PARP11: variants seen among roughly 807,000 people sequenced by gnomAD.
PARP11 encodes poly(ADP-ribose) polymerase family member 11, also known as protein mono-ADP-ribosyltransferase PARP11.
In PARP11, 31 loss-of-function variants were observed where a neutral mutation model predicts 42.9. The ratio of observed to expected loss-of-function variants is 0.72; its 90% CI spans 0.54 to 0.98. PARP11 has a LOEUF of 0.98. PARP11 is among the 50% of genes least tolerant of loss of function. PARP11 has a pLI of 0.00. For missense variants in PARP11, 365 were observed against 413.1 expected (o/e 0.88, Z 1.01); for synonymous variants, 137 against 127.3 (o/e 1.08, Z -0.51).
At chr12:3,832,209 C>T in intron 1 of PARP11, 1 of 481,058 alleles carries the variant, frequency 2.1e-6, no homozygotes, top group Non-Finnish European at 2.7e-6. Flanking sequence ...GGGACAGGTA[C>T]CATTGTATTG....
At chr12:3,868,720 T>G (rs1473819956) in intron 1 of PARP11, among the ~76,000 whole-genome samples, 1 of 152,188 alleles carries the variant, frequency 6.6e-6, no homozygotes, top group Non-Finnish European at 1.5e-5. Flanking sequence ...GTCACCTTCA[T>G]AGGTGACTTC....
At chr12:3,846,274 T>A (rs553836595) in intron 1 of PARP11, among the ~76,000 whole-genome samples, 171 of 144,620 alleles carry the variant, frequency 1.2e-3, no homozygotes, top group Non-Finnish European at 2.3e-3. Context: ...TGCATATATT[T>A]AAAAAAAAAA....
At chr12:3,851,573 G>A (rs1371086642) in intron 1 of PARP11, among the ~76,000 whole-genome samples, 2 of 152,226 alleles carry the variant, frequency 1.3e-5, no homozygotes, top group East Asian at 1.9e-4. Flanking sequence ...TTCCACCATT[G>A]CTGAGGCTTG....
chr12:3,831,581 GTTCA>G (rs1947639366), intron 1 of PARP11, among the ~76,000 whole-genome samples: 1 of 152,012 alleles, frequency 6.6e-6, no homozygotes, highest in African/African-American at 2.4e-5. Context: ...AACGAGACAA[GTTCA>G]TTTATAACAG....
chr12:3,825,302 G>C (rs1947495665), intron 4 of PARP11, among the ~76,000 whole-genome samples: 1 of 152,088 alleles, frequency 6.6e-6, no homozygotes, highest in African/African-American at 2.4e-5. Flanking sequence ...TATGGCCAGA[G>C]CAAGCAAAAA....
At chr12:3,812,784 G>C (rs1241640987) in intron 7 of PARP11, among the ~76,000 whole-genome samples, 1 of 152,052 alleles carries the variant, frequency 6.6e-6, no homozygotes, top group Non-Finnish European at 1.5e-5. Context: ...GATTAAAAGT[G>C]TGGTTGGACC....
At position 3,828,939 on chromosome 12, in the gene PARP11, G is replaced by C; in HGVS notation, c.239C>G (p.Ser80Cys). The C allele has an allele frequency of 6.2e-7, 1 of 1,613,988 alleles. No homozygotes were observed. Among genetic ancestry groups the C allele is most frequent in the Admixed American group, 1.7e-5 (1 of 60,010 alleles). Residue 80 changes from serine (S) to cysteine (C), a missense_variant, in exon 3 of 8, where the codon TCC becomes TGC. Ser to Cys is a moderately radical substitution (Grantham distance 112). Transcript: ENST00000228820. ...NPCGSISFTT[S>C]KFSYKIDFAE... ...AAAGTCTATCTTGTAGCTGAATTTG[G>C]AAGTAGTAAAAGAAATGGAGCCACA...
chr12:3,822,637 G>A (rs1052567557), intron 4 of PARP11, among the ~76,000 whole-genome samples: 3 of 151,414 alleles, frequency 2.0e-5, no homozygotes, highest in African/African-American at 7.3e-5. Flanking sequence ...GTCTATGTGT[G>A]CTACTTTTTA....
chr12:3,847,278 C>CA (rs1565545298), intron 1 of PARP11, among the ~76,000 whole-genome samples: 1 of 152,018 alleles, frequency 6.6e-6, no homozygotes, highest in Non-Finnish European at 1.5e-5. Context: ...TTAAACTCTT[C>CA]AAAAAAATTG....
chr12:3,863,363 CT>C (rs1445130579), intron 1 of PARP11, among the ~76,000 whole-genome samples: 3 of 152,010 alleles, frequency 2.0e-5, no homozygotes, highest in African/African-American at 7.3e-5. Context: ...CCTTTCTTGC[CT>C]TTTTCCTTAG....
chr12:3,834,382 C>T (rs572539004), intron 1 of PARP11, among the ~76,000 whole-genome samples: 4 of 152,216 alleles, frequency 2.6e-5, no homozygotes, highest in African/African-American at 9.6e-5. Flanking sequence ...CCTGTGATCC[C>T]AGCACTTTGG....
chr12:3,857,318 C>T (rs1948211895), intron 1 of PARP11, among the ~76,000 whole-genome samples: 1 of 151,950 alleles, frequency 6.6e-6, no homozygotes, highest in African/African-American at 2.4e-5. Context: ...TTTTTAAAGA[C>T]ATGTAGGGAT....
chr12:3,855,334 A>C (rs916059936), intron 1 of PARP11, among the ~76,000 whole-genome samples: 3 of 152,230 alleles, frequency 2.0e-5, no homozygotes, highest in African/African-American at 7.2e-5. Context: ...GAAAAGAGGA[A>C]GTCAAATTGT....
Position 3,862,469 on chromosome 12 carries a change from A to AT in PARP11, c.18+10742dup, listed in dbSNP as rs912009787. Among the ~76,000 whole-genome samples, 687 of 150,432 alleles carry AT rather than the reference A, an allele frequency of 4.6e-3. 3 individuals carry two copies. The highest frequency in any genetic ancestry group is 7.4e-3 in the Non-Finnish European group (498 of 67,478). The stretch of plus-strand genomic sequence containing the variant: ...CTGTCTCAAAAAAATAAATATATGT[A>AT]TTTTTTTTTCTATTTTTTTCACCTG... On this transcript the variant is annotated intron_variant, in intron 1 of 7. Coordinates refer to ENST00000228820, the MANE Select transcript of PARP11 (RefSeq NM_020367.6).
At chr12:3,865,987 C>T (rs1383236684) in intron 1 of PARP11, among the ~76,000 whole-genome samples, 1 of 150,744 alleles carries the variant, frequency 6.6e-6, no homozygotes, top group Non-Finnish European at 1.5e-5. Flanking sequence ...CCTTTGGTGG[C>T]TTATTAACTG....
At chr12:3,831,775 T>C (rs576495212) in intron 1 of PARP11, among the ~76,000 whole-genome samples, 58 of 152,294 alleles carry the variant, frequency 3.8e-4, no homozygotes, top group African/African-American at 1.3e-3. Context: ...ATTTACCTTA[T>C]ATATTTTAAC....
At chr12:3,864,611 T>C (rs1306524541) in intron 1 of PARP11, among the ~76,000 whole-genome samples, 1 of 152,256 alleles carries the variant, frequency 6.6e-6, no homozygotes, top group African/African-American at 2.4e-5. Flanking sequence ...ATTTGTGTTA[T>C]CTGTTTCTTC....
intron 1 of PARP11, chr12:3,832,073 GCATA>G: frequency 1.3e-6 from 1 of 774,780 alleles, no homozygotes; most frequent in African/African-American, 1.9e-5. Context: ...CCTTTATACA[GCATA>G]CATATAACAT....
chr12:3,864,543 A>C (rs1029940031), intron 1 of PARP11, among the ~76,000 whole-genome samples: 1 of 152,158 alleles, frequency 6.6e-6, no homozygotes, highest in Non-Finnish European at 1.5e-5. Context: ...TGGACCTAGA[A>C]TTTTCTTTTA....
Sources: gnomAD v4.1 joint callset for allele counts (sites outside exome capture counted in the v4.1 genomes callset) on GRCh38, gnomAD v4.1.1 for gene constraint, MANE v1.5 for transcripts, NCBI Gene and HGNC (gene_info 2026-07-23, HGNC 2026-07-21) for gene names.